The following MON1A variants were observed in gnomAD, a reference collection of about 807,000 sequenced individuals.
MON1A encodes vacuolar fusion protein MON1 homolog A.
A neutral mutation model predicts 44.6 loss-of-function variants in MON1A; 29 were observed. That is an observed-to-expected ratio of 0.65 (90% CI 0.48 to 0.89). MON1A has a LOEUF of 0.89. MON1A is among the 40% of genes least tolerant of loss of function. The pLI, the probability that MON1A is intolerant of heterozygous loss-of-function variation, is 0.00. For missense variants in MON1A, 615 were observed against 759.6 expected (o/e 0.81, Z 2.24); for synonymous variants, 275 against 316.4 (o/e 0.87, Z 1.39).
intron 1 of MON1A, among the ~76,000 whole-genome samples, chr3:49,922,278 T>C (rs1164879113): frequency 6.6e-6 from 1 of 151,590 alleles, no homozygotes; most frequent in Non-Finnish European, 1.5e-5. Flanking sequence ...AAACCCCGTC[T>C]CTATTAAAAA....
At position 49,910,543 on chromosome 3, in the gene MON1A, CCAGGCTGCGCGCACGCGCCTGCTG is replaced by C. The variant is rs765088816; in HGVS notation, c.931_954del (p.Gln311_Leu318del). On this transcript the variant is annotated inframe_deletion, in exon 4 of 6. Coordinates refer to ENST00000296473, the MANE Select transcript of MON1A (RefSeq NM_032355.4). This position sits in a 1 kb window ranked among gnomAD's most constrained non-coding sequence, Gnocchi z 8.0. ...TTGCGGGCCAGCAGGATGGAGAAGA[CCAGGCTGCGCGCACGCGCCTGCTG>C]CAGGCTGGCGCTCACAGTGTCGCGC... 13 of 1,613,232 alleles carry C rather than the reference CCAGGCTGCGCGCACGCGCCTGCTG, an allele frequency of 8.1e-6. No individual in the cohort carries two copies. The highest frequency in any genetic ancestry group is 4.5e-5 in the East Asian group (2 of 44,846).
intron 1 of MON1A, chr3:49,916,435 T>G (rs1299714998): frequency 6.6e-6 from 1 of 152,232 alleles, no homozygotes; most frequent in East Asian, 1.9e-4. Context: ...AATTGAATCT[T>G]TTGCAGAAGC....
At chr3:49,915,759 T>G (rs1405559522) in intron 1 of MON1A, 1 of 152,178 alleles carries the variant, frequency 6.6e-6, no homozygotes, top group Non-Finnish European at 1.5e-5. Flanking sequence ...TCAGTGCCCA[T>G]GTAATGGCCA....
intron 2 of MON1A, 120 bp downstream of exon 2, chr3:49,913,100 A>C (rs551635555): frequency 1.6e-4 from 221 of 1,372,214 alleles, no homozygotes; most frequent in Non-Finnish European, 1.8e-5. Context: ...CCTGACAAAT[A>C]TCCAATGAGT....
At chr3:49,922,356 A>G (rs1282077756) in intron 1 of MON1A, among the ~76,000 whole-genome samples, 1 of 152,072 alleles carries the variant, frequency 6.6e-6, no homozygotes, top group African/African-American at 2.4e-5. Flanking sequence ...CTGAGGCAGG[A>G]GAATCGCTTG....
chr3:49,920,089 C>T (rs2082983736), intron 1 of MON1A, among the ~76,000 whole-genome samples: 1 of 152,194 alleles, frequency 6.6e-6, no homozygotes, highest in African/African-American at 2.4e-5. Context: ...TCCATTTCTC[C>T]CATTCTCTCT....
At chr3:49,917,292 C>A (rs976312905) in intron 1 of MON1A, among the ~76,000 whole-genome samples, 1 of 151,256 alleles carries the variant, frequency 6.6e-6, no homozygotes, top group Non-Finnish European at 1.5e-5. Flanking sequence ...CTTTTCTTTT[C>A]TTTTCTTCTT....
chr3:49,912,110 T>C (rs1450116965), intron 2 of MON1A, 99 bp from the exon 3 acceptor site: 4 of 1,407,436 alleles, frequency 2.8e-6, no homozygotes, highest in Non-Finnish European at 3.8e-6. Flanking sequence ...ACTGCCTGTC[T>C]TGTTAGGATC....
intron 1 of MON1A, among the ~76,000 whole-genome samples, chr3:49,925,060 T>C (rs184515905): frequency 4.6e-5 from 7 of 152,306 alleles, no homozygotes; most frequent in Admixed American, 3.3e-4. Context: ...TTGGCATAAT[T>C]TGTTACACAG....
rs528531849 is a variant in MON1A, at chr3:49,912,782, G to C, written c.127+438C>G. The C allele has an allele frequency of 7.3e-4, 213 of 293,762 alleles. 1 individual carries two copies. Among genetic ancestry groups the C allele is most frequent in the South Asian group, 6.9e-3 (210 of 30,370 alleles). The allele number at this position is 293,762 out of a possible 1,614,324, so 18.2% of individuals were successfully genotyped here. On this transcript the variant is annotated intron_variant, in intron 2 of 5. Transcript: ENST00000296473. ...ATTTTGAGTCTCTCTTGCGAATTCAGCCCTGTACCAGGCACTGGGGATATA... is the reference window on the plus strand; with the variant it reads ...ATTTTGAGTCTCTCTTGCGAATTCACCCCTGTACCAGGCACTGGGGATATA...
At position 49,929,676 on chromosome 3, in the gene MON1A, G is replaced by T; in HGVS notation, c.-81C>A. 1 of 1,551,240 alleles carries T rather than the reference G, an allele frequency of 6.4e-7. No individual in the cohort carries two copies. The highest frequency in any genetic ancestry group is 1.2e-5 in the South Asian group (1 of 84,066). On this transcript the variant is annotated 5_prime_UTR_variant, in exon 1 of 6. Coordinates refer to ENST00000296473, the MANE Select transcript of MON1A (RefSeq NM_032355.4). Reference sequence around the variant, plus strand: ...ACTGCCCTCTGCCGGACCCATGGAGGGGTAAGGGTGTCCGGCCGGGGCCGG... The same window carrying T: ...ACTGCCCTCTGCCGGACCCATGGAGTGGTAAGGGTGTCCGGCCGGGGCCGG...
chr3:49,916,808 A>C (rs1262012702), intron 1 of MON1A: 1 of 152,300 alleles, frequency 6.6e-6, no homozygotes, highest in Non-Finnish European at 1.5e-5. Flanking sequence ...GACTGAGACT[A>C]AGAGGAGCAA....
At chr3:49,929,478 GAC>G (rs1167355688) in intron 1 of MON1A, 129 bp downstream of exon 1, 5 of 1,054,004 alleles carry the variant, frequency 4.7e-6, no homozygotes, top group Admixed American at 2.3e-5. Flanking sequence ...ACCGCAGGGA[GAC>G]ACAGTCTTCC....
rs2082876299 is a variant in MON1A, at chr3:49,911,208, A to C, written c.613+318T>G. Among the ~76,000 whole-genome samples the C allele has an allele frequency of 1.2e-5, 1 of 83,330 alleles. No individual in the cohort carries two copies. Among genetic ancestry groups the C allele is most frequent in the African/African-American group, 5.0e-5 (1 of 20,062 alleles). The allele number at this position is 83,330 out of a possible 152,430, so 54.7% of individuals were successfully genotyped here. A position where few individuals can be genotyped will look rare whatever the true frequency, so the allele number is the denominator to read the frequency against. On this transcript the variant is annotated intron_variant, in intron 3 of 5. Transcript: ENST00000296473. The surrounding 1 kb of genome is among the most constrained non-coding windows in gnomAD (Gnocchi z 5.7). The stretch of plus-strand genomic sequence containing the variant: ...AGATAGATTAGATAGATAGATAGAT[A>C]GATAGATAGATAGATAGATAGATAG...
chr3:49,929,770 CT>C lies in MON1A; in HGVS notation c.-176del. 1 of 1,549,134 alleles carries C rather than the reference CT, an allele frequency of 6.5e-7. No individual in the cohort carries two copies. The stretch of plus-strand genomic sequence containing the variant: ...AGACATGGCCACAGCGCAGGCACCG[CT>C]CCCTCCCACCGCCCTCACCCGGCCG... On this transcript the variant is annotated 5_prime_UTR_variant, in exon 1 of 6. Transcript: ENST00000296473.
In MON1A at chr3:49,929,673, G is replaced by A; in HGVS notation, c.-78C>T. 1 of 1,551,312 alleles carries A rather than the reference G, an allele frequency of 6.4e-7. No homozygotes were observed. The highest frequency in any genetic ancestry group is 8.7e-7 in the Non-Finnish European group (1 of 1,146,930). On this transcript the variant is annotated 5_prime_UTR_variant, in exon 1 of 6. Coordinates refer to ENST00000296473, the MANE Select transcript of MON1A (RefSeq NM_032355.4). ...GTCACTGCCCTCTGCCGGACCCATG[G>A]AGGGGTAAGGGTGTCCGGCCGGGGC...
Position 49,912,000 on chromosome 3 carries a change from C to T in MON1A, c.139G>A (p.Glu47Lys), listed in dbSNP as rs1167286763. The change falls in exon 3 of 6, where the codon GAG becomes AAG. Residue 47 changes from glutamate (E) to lysine (K), a missense_variant. Physicochemically the swap from Glu to Lys is moderately conservative, Grantham distance 56 (BLOSUM62 1). Coordinates refer to ENST00000296473, the MANE Select transcript of MON1A (RefSeq NM_032355.4). The surrounding 1 kb of genome is among the most constrained non-coding windows in gnomAD (Gnocchi z 5.7). ...AQGMEPGAGQ[E>K]GAMFVHARSY... The stretch of plus-strand genomic sequence containing the variant: ...CGGGCATGGACGAACATGGCACCCT[C>T]CTGGCCCGCACCTGCAGGCCAAAAG... 1 of 1,581,046 alleles carries T rather than the reference C, an allele frequency of 6.3e-7. No homozygotes were observed. Among genetic ancestry groups the T allele is most frequent in the South Asian group, 1.2e-5 (1 of 86,288 alleles).
At chr3:49,923,953 G>T (rs986719985) in intron 1 of MON1A, 1 of 151,660 alleles carries the variant, frequency 6.6e-6, no homozygotes, top group Non-Finnish European at 1.5e-5. Flanking sequence ...ATGGTGGCAC[G>T]TGCCTGTAGT....
chr3:49,924,059 G>A lies in MON1A; in HGVS notation c.-14+5550C>T, dbSNP rs187976449. The A allele has an allele frequency of 2.0e-5, 3 of 151,386 alleles. No homozygotes were observed. In the East Asian group the frequency reaches 5.9e-4, roughly 30 times the overall value. 9.4% of individuals were successfully genotyped at this position (151,386 alleles called of 1,614,324 possible). ...ATCGTGTCGTTGTACTCCAGGCTGG[G>A]TGGCAGAGCGAGACTCTGTCTCATA... On this transcript the variant is annotated intron_variant, in intron 1 of 5. Transcript: ENST00000296473.
Sources: allele counts gnomAD v4.1 joint callset (sites outside exome capture counted in the v4.1 genomes callset), GRCh38; gene constraint gnomAD v4.1.1; non-coding constraint Gnocchi (gnomAD v3.1); transcripts MANE v1.5; gene names NCBI Gene and HGNC (gene_info 2026-07-23, HGNC 2026-07-21).